NCOR2: variants seen among roughly 807,000 people sequenced by gnomAD.
The protein encoded by NCOR2 is nuclear receptor corepressor 2.
A neutral mutation model predicts 262.9 loss-of-function variants in NCOR2; 81 were observed. The observed-to-expected ratio is 0.31, with a 90% CI of 0.26 to 0.37. The LOEUF (loss-of-function observed/expected upper bound fraction) is 0.37. NCOR2 is among the 10% of genes least tolerant of loss of function. The pLI is 1.00. For synonymous variants in NCOR2, 1,659 were observed against 1,559.3 expected, an observed-to-expected ratio of 1.06 and a Z score of -1.51; for missense variants, 3,385 against 3,621.4, an observed-to-expected ratio of 0.93 and a Z score of 1.68.
Position 124,385,616 on chromosome 12 carries a change from G to A in NCOR2, c.2019+129C>T, listed in dbSNP as rs1358783466. 6 of 1,381,202 alleles carry A rather than the reference G, an allele frequency of 4.3e-6. No individual in the cohort carries two copies. In the East Asian group the frequency reaches 1.2e-4, roughly 27 times the overall value. 85.6% of individuals were successfully genotyped at this position (1,381,202 alleles called of 1,614,324 possible). A position where few individuals can be genotyped will look rare whatever the true frequency, so the allele number is the denominator to read the frequency against. On this transcript the variant is annotated intron_variant, in intron 17 of 46. Transcript: ENST00000405201. Reference sequence around the variant, plus strand: ...CCGGGCTTGAACCCCCAGAAGCTGAGTTCTAACAAGGCGGCATAATAGCCC... The same window carrying A: ...CCGGGCTTGAACCCCCAGAAGCTGAATTCTAACAAGGCGGCATAATAGCCC...
intron 19 of NCOR2, 40 bp from the exon 22 acceptor site, chr12:124,372,650 G>A: frequency 1.9e-6 from 3 of 1,554,940 alleles, no homozygotes; most frequent in South Asian, 2.2e-5. Context: ...AGCAGGGTCT[G>A]GCGGGGCCTC....
chr12:124,541,187 G>A lies in NCOR2; in HGVS notation c.-164-5576C>T, dbSNP rs111219308. 5.1e-3 allele frequency among the ~76,000 whole-genome samples: 46 copies of A among 9,094 alleles called. 4 individuals carry two copies. The highest frequency in any genetic ancestry group is 0.012 in the East Asian group (7 of 584). 6.0% of individuals were successfully genotyped at this position (9,094 alleles called of 152,430 possible). On this transcript the variant is annotated intron_variant, in intron 1 of 32. Transcript: ENST00000458234. ...AGGGAGATGGGGAGTGGAGATGGAGGGGGATGGGGAGCAGTGATGGAGGGG... is the reference window on the plus strand; with the variant it reads ...AGGGAGATGGGGAGTGGAGATGGAGAGGGATGGGGAGCAGTGATGGAGGGG...
intron 4 of NCOR2, among the ~76,000 whole-genome samples, chr12:124,471,335 G>C (rs1199233023): frequency 6.6e-6 from 1 of 152,136 alleles, no homozygotes; most frequent in Non-Finnish European, 1.5e-5. Flanking sequence ...TTCCTTGTCT[G>C]GAGGGCACTA....
chr12:124,348,429 C>A, intron 28 of NCOR2, 115 bp from the exon 31 acceptor site: 1 of 1,383,256 alleles, frequency 7.2e-7, no homozygotes, highest in East Asian at 2.4e-5. Context: ...CATGCTGGCC[C>A]CGTCACAAAG....
At chr12:124,488,318 A>G (rs1370162429) in intron 1 of NCOR2, among the ~76,000 whole-genome samples, 1 of 152,182 alleles carries the variant, frequency 6.6e-6, no homozygotes, top group African/African-American at 2.4e-5. Flanking sequence ...AAGCTGGGGA[A>G]AGGACCTCCC....
intron 4 of NCOR2, among the ~76,000 whole-genome samples, chr12:124,466,730 G>A (rs528158225): frequency 1.9e-4 from 29 of 152,166 alleles, no homozygotes; most frequent in African/African-American, 7.0e-4. Context: ...AGGAGAGGCT[G>A]TGCAGACTCC....
upstream of NCOR2, among the ~76,000 whole-genome samples, chr12:124,536,872 A>G (rs745690106): frequency 1.3e-5 from 2 of 152,264 alleles, no homozygotes; most frequent in Non-Finnish European, 2.9e-5. Flanking sequence ...CTTTATGCAC[A>G]ATCGCAGAAC....
chr12:124,354,339 G>A, intron 26 of NCOR2, 139 bp downstream of exon 28: 1 of 1,148,568 alleles, frequency 8.7e-7, no homozygotes, highest in African/African-American at 1.5e-5. Flanking sequence ...ACCCCTAAAT[G>A]GTGAGGGAGA....
At chr12:124,529,627 A>T (rs921800934) in intron 1 of NCOR2, 1 of 152,304 alleles carries the variant, frequency 6.6e-6, no homozygotes, top group African/African-American at 2.4e-5. Context: ...AGAAAGGAAA[A>T]CACAGAGCTA....
chr12:124,567,313 G>C (rs1371409633), exon 1 of NCOR2: 3 of 151,904 alleles, frequency 2.0e-5, no homozygotes, highest in African/African-American at 7.2e-5. Context: ...CTCACCTCGC[G>C]GAGGTGGCAG....
intron 16 of NCOR2, among the ~76,000 whole-genome samples, chr12:124,386,667 C>G (rs958779345): frequency 1.3e-5 from 2 of 152,202 alleles, no homozygotes; most frequent in African/African-American, 4.8e-5. Context: ...CACTAGGTCT[C>G]AGGCCAGAAC....
chr12:124,355,446 C>G, exon 24 of NCOR2: 1 of 1,613,524 alleles, frequency 6.2e-7, no homozygotes, highest in Non-Finnish European at 8.5e-7. Flanking sequence ...GAGATGGCAC[C>G]TATTTGCCTC....
rs558801991 is a variant in NCOR2, at chr12:124,566,253, A to C, written c.-165+1055T>G. Among the ~76,000 whole-genome samples, 1 of 152,322 alleles carries C rather than the reference A, an allele frequency of 6.6e-6. No individual in the cohort carries two copies. The highest frequency in any genetic ancestry group is 6.5e-5 in the Admixed American group (1 of 15,306). ...GGGAGGAAGGGAGGAGGCTGAGCCG[A>C]CAGAACAGATCCGCCCCCGCTGCCT... is the stretch of plus-strand genomic sequence containing the variant. On this transcript the variant is annotated intron_variant, in intron 1 of 32. Coordinates refer to the NCOR2 transcript ENST00000458234. This position sits in a 1 kb window ranked among gnomAD's most constrained non-coding sequence, Gnocchi z 4.3.
chr12:124,379,155 C>T (rs879308259), intron 17 of NCOR2, among the ~76,000 whole-genome samples: 4 of 151,750 alleles, frequency 2.6e-5, no homozygotes, highest in Non-Finnish European at 5.9e-5. Flanking sequence ...GTGGCAGGTG[C>T]GGGGAGTCAC....
exon 22 of NCOR2, chr12:124,362,296 T>C: frequency 7.6e-7 from 1 of 1,318,688 alleles, no homozygotes; most frequent in Non-Finnish European, 9.7e-7. Context: ...TTTGGTGACC[T>C]GCTGAGGGAA....
At chr12:124,561,277 G>C (rs1031509256) in intron 1 of NCOR2, among the ~76,000 whole-genome samples, 1 of 152,114 alleles carries the variant, frequency 6.6e-6, no homozygotes, top group Non-Finnish European at 1.5e-5. Context: ...TGCCCCGTAG[G>C]GTCAGTGGCC....
chr12:124,331,299 A>G (rs2035173696), intron 43 of NCOR2, among the ~76,000 whole-genome samples: 1 of 151,956 alleles, frequency 6.6e-6, no homozygotes, highest in African/African-American at 2.4e-5. Flanking sequence ...CTGACCTCAT[A>G]TGATCCACCC....
intron 6 of NCOR2, among the ~76,000 whole-genome samples, chr12:124,456,142 C>T (rs1482161763): frequency 2.0e-5 from 3 of 152,244 alleles, no homozygotes; most frequent in Non-Finnish European, 4.4e-5. Flanking sequence ...TCCCATAGCA[C>T]TGGGATTACA....
At chr12:124,370,021 C>A (rs956444053) in intron 20 of NCOR2, among the ~76,000 whole-genome samples, 1 of 152,206 alleles carries the variant, frequency 6.6e-6, no homozygotes, top group East Asian at 1.9e-4. Context: ...CCTCAGCGGT[C>A]CCCCGGCGAA....
Sources: gnomAD v4.1 joint callset for allele counts (sites outside exome capture counted in the v4.1 genomes callset) on GRCh38, gnomAD v4.1.1 for gene constraint, Gnocchi (gnomAD v3.1) non-coding constraint, MANE v1.5 for transcripts, NCBI Gene and HGNC (gene_info 2026-07-23, HGNC 2026-07-21) for gene names.